Variants in RAP1GDS1 observed in about 807,000 individuals in gnomAD.
RAP1GDS1 encodes Rap1 GTPase-GDP dissociation stimulator 1.
A neutral mutation model predicts 71.1 loss-of-function variants in RAP1GDS1; 35 were observed. The observed-to-expected ratio is 0.49, with a 90% CI of 0.38 to 0.65. The LOEUF (loss-of-function observed/expected upper bound fraction) is 0.65, where lower values mean the gene tolerates loss of function less well. Ranked by LOEUF, RAP1GDS1 falls within the 30% of genes least tolerant of loss-of-function variation. RAP1GDS1 has a pLI of 0.00. For missense variants in RAP1GDS1, 663 were observed against 706.1 expected (o/e 0.94, Z 0.69); for synonymous variants, 229 against 243.1 (o/e 0.94, Z 0.54).
intron 6 of RAP1GDS1, among the ~76,000 whole-genome samples, chr4:98,402,595 A>G (rs537555759): frequency 1.3e-5 from 2 of 152,192 alleles, no homozygotes; most frequent in African/African-American, 2.4e-5. Context: ...TCCGTTGACA[A>G]TGTGCACCAA....
intron 5 of RAP1GDS1, among the ~76,000 whole-genome samples, chr4:98,387,949 CCTG>C (rs1743010272): frequency 6.6e-6 from 1 of 152,134 alleles, no homozygotes; most frequent in Non-Finnish European, 1.5e-5. Context: ...AGAATTTCTT[CCTG>C]TTTGTCTTTC....
At chr4:98,400,554 C>G (rs1745256756) in intron 6 of RAP1GDS1, among the ~76,000 whole-genome samples, 1 of 140,444 alleles carries the variant, frequency 7.1e-6, no homozygotes, top group African/African-American at 2.7e-5. Flanking sequence ...AAAACGGATA[C>G]TAGAGGTTGG....
chr4:98,308,470 A>C, intron 2 of RAP1GDS1, among the ~76,000 whole-genome samples: 1 of 151,018 alleles, frequency 6.6e-6, no homozygotes. Context: ...ACCCTGTCTC[A>C]GAAAGAAAGG....
chr4:98,324,325 C>A (rs1193763181), intron 2 of RAP1GDS1, among the ~76,000 whole-genome samples: 1 of 152,004 alleles, frequency 6.6e-6, no homozygotes, highest in African/African-American at 2.4e-5. Context: ...GAATCAATAT[C>A]GTGAAAATGG....
At chr4:98,325,165 G>GA (rs1732786602) in intron 2 of RAP1GDS1, among the ~76,000 whole-genome samples, 1 of 151,796 alleles carries the variant, frequency 6.6e-6, no homozygotes, top group Admixed American at 6.6e-5. Context: ...AAAAACACAT[G>GA]AAAAAATGCT....
rs1752077995 is a variant in RAP1GDS1, at chr4:98,443,022, T to TTTTTTTTTTTTTTTTTTG, written c.*921_*922insTGTTTTTTTTTTTTTTTT. ...AGTTCATTGAAGAATGGAATTTTTTTTTTTTTTTTTTTTTTTGCTGTTTTT... is the reference window on the plus strand; with the variant it reads ...AGTTCATTGAAGAATGGAATTTTTTTTTTTTTTTTTTTTTTTTGTTTTTTTTTTTTTTTTGCTGTTTTT... On this transcript the variant is annotated 3_prime_UTR_variant, in exon 15 of 15. Coordinates refer to ENST00000408927, the MANE Select transcript of RAP1GDS1 (RefSeq NM_001100427.2). 4.8e-6 allele frequency: 1 copy of TTTTTTTTTTTTTTTTTTG among 210,408 alleles called. No individual in the cohort carries two copies. The highest frequency in any genetic ancestry group is 1.9e-4 in the South Asian group (1 of 5,246). The allele number at this position is 210,408 out of a possible 1,614,324, so 13.0% of individuals were successfully genotyped here.
At chr4:98,433,679 T>A (rs938484582) in intron 12 of RAP1GDS1, among the ~76,000 whole-genome samples, 1 of 152,200 alleles carries the variant, frequency 6.6e-6, no homozygotes, top group Non-Finnish European at 1.5e-5. Flanking sequence ...CTTTGGTAGC[T>A]TCTAAGCCTT....
At chr4:98,335,763 A>G (rs1734629254) in intron 2 of RAP1GDS1, among the ~76,000 whole-genome samples, 1 of 147,202 alleles carries the variant, frequency 6.8e-6, no homozygotes, top group Non-Finnish European at 1.5e-5. Context: ...GCCAAGATTA[A>G]TGTTGATTTT....
At chr4:98,419,972 A>G (rs1484770439) in intron 10 of RAP1GDS1, 47 bp from the exon 11 acceptor site, 16 of 1,493,498 alleles carry the variant, frequency 1.1e-5, no homozygotes, top group African/African-American at 9.9e-5. Flanking sequence ...ATGTTTATCA[A>G]CAGGAATGCT....
Position 98,323,459 on chromosome 4 carries a change from G to C in RAP1GDS1, c.113-19680G>C, listed in dbSNP as rs1170988753. Among the ~76,000 whole-genome samples, 58 of 107,448 alleles carry C rather than the reference G, an allele frequency of 5.4e-4. No homozygotes were observed. The South Asian group carries it at 8.1e-3, about 15-fold the overall frequency. The allele number at this position is 107,448 out of a possible 152,430, so 70.5% of individuals were successfully genotyped here. A position where few individuals can be genotyped will look rare whatever the true frequency, so the allele number is the denominator to read the frequency against. Reference sequence around the variant, plus strand: ...CATTCTGATACCAAAGCCGGGCAGAGACACAACCAAAAAAGAGAATTTTAG... The same window carrying C: ...CATTCTGATACCAAAGCCGGGCAGACACACAACCAAAAAAGAGAATTTTAG... On this transcript the variant is annotated intron_variant, in intron 2 of 14. Transcript: ENST00000408927.
intron 1 of RAP1GDS1, among the ~76,000 whole-genome samples, chr4:98,282,534 A>G (rs1023477472): frequency 2.0e-5 from 3 of 147,396 alleles, no homozygotes; most frequent in Non-Finnish European, 4.5e-5. Flanking sequence ...CGGTCTATCA[A>G]TTTTGTTGAT....
chr4:98,270,785 C>G (rs1015832235), intron 1 of RAP1GDS1, among the ~76,000 whole-genome samples: 1 of 151,998 alleles, frequency 6.6e-6, no homozygotes, highest in East Asian at 1.9e-4. Context: ...CTTTTACCTC[C>G]TCCACCTCTG....
intron 4 of RAP1GDS1, among the ~76,000 whole-genome samples, chr4:98,374,025 T>C (rs1740794371): frequency 6.6e-6 from 1 of 152,034 alleles, no homozygotes; most frequent in Non-Finnish European, 1.5e-5. Flanking sequence ...TAAAACTTTA[T>C]TTTTTTTATT....
chr4:98,434,619 CT>C lies in RAP1GDS1; in HGVS notation c.1567+575del, dbSNP rs557173513. 9.3e-3 allele frequency among the ~76,000 whole-genome samples: 1,244 copies of C among 134,392 alleles called. 3 individuals carry two copies. The highest frequency in any genetic ancestry group is 0.018 in the African/African-American group (657 of 36,150). 88.2% of individuals were successfully genotyped at this position (134,392 alleles called of 152,430 possible). On this transcript the variant is annotated intron_variant, in intron 13 of 14. Coordinates refer to ENST00000408927, the MANE Select transcript of RAP1GDS1 (RefSeq NM_001100427.2). ...TTTCATTAGTTTCAGTTTAACATAGCTTTTTTTTTTTTTTTTTTGAAACAGT... is the reference window on the plus strand; with the variant it reads ...TTTCATTAGTTTCAGTTTAACATAGCTTTTTTTTTTTTTTTTTGAAACAGT...
chr4:98,388,232 A>T (rs977447749), intron 5 of RAP1GDS1, among the ~76,000 whole-genome samples: 3 of 152,206 alleles, frequency 2.0e-5, no homozygotes, highest in Admixed American at 6.5e-5. Flanking sequence ...AGGCTTAAGT[A>T]GAGTTTCTTC....
chr4:98,438,917 C>A (rs1486976977), intron 14 of RAP1GDS1, among the ~76,000 whole-genome samples: 1 of 152,064 alleles, frequency 6.6e-6, no homozygotes, highest in African/African-American at 2.4e-5. Context: ...GTATATCATT[C>A]TTAAATATTT....
At chr4:98,353,004 T>A (rs1737438428) in intron 4 of RAP1GDS1, among the ~76,000 whole-genome samples, 2 of 152,220 alleles carry the variant, frequency 1.3e-5, no homozygotes, top group Non-Finnish European at 2.9e-5. Flanking sequence ...TATTTGCAGT[T>A]CGGTAAAACC....
chr4:98,430,157 T>A (rs1395161791), intron 12 of RAP1GDS1, among the ~76,000 whole-genome samples: 1 of 152,170 alleles, frequency 6.6e-6, no homozygotes, highest in Non-Finnish European at 1.5e-5. Context: ...GTTCTTTGAA[T>A]GATGAGAACT....
At chr4:98,438,567 C>CATATATATATATATATATATATATATAT (rs36034058) in intron 14 of RAP1GDS1, among the ~76,000 whole-genome samples, 32 of 104,724 alleles carry the variant, frequency 3.1e-4, no homozygotes, top group South Asian at 6.3e-4. Flanking sequence ...TTTATTCTTC[C>CATATATATATATATATATATATATATAT]ATATATATAT....
Sources: allele counts gnomAD v4.1 joint callset (sites outside exome capture counted in the v4.1 genomes callset), GRCh38; gene constraint gnomAD v4.1.1; transcripts MANE v1.5; gene names NCBI Gene and HGNC (gene_info 2026-07-23, HGNC 2026-07-21).